GPC6: variants seen among roughly 807,000 people sequenced by gnomAD.
The protein encoded by GPC6 is glypican-6.
A neutral mutation model predicts 55.2 loss-of-function variants in GPC6; 14 were observed. That is an observed-to-expected ratio of 0.25 (90% CI 0.17 to 0.40). The LOEUF (loss-of-function observed/expected upper bound fraction) is 0.40, where lower values mean the gene tolerates loss of function less well. Ranked by LOEUF, GPC6 falls within the 10% of genes least tolerant of loss-of-function variation. GPC6 has a pLI of 1.00. For synonymous variants in GPC6, 278 were observed against 259.6 expected (o/e 1.07, Z -0.68); for missense variants, 641 against 708.5 (o/e 0.90, Z 1.08).
chr13:93,553,253 T>C (rs1047946814), intron 2 of GPC6, among the ~76,000 whole-genome samples: 5 of 152,048 alleles, frequency 3.3e-5, no homozygotes, highest in South Asian at 4.1e-4. Flanking sequence ...CCTTTTTTTT[T>C]CCAAAACAAA....
chr13:93,894,370 T>C (rs1875869261), intron 3 of GPC6, among the ~76,000 whole-genome samples: 1 of 152,228 alleles, frequency 6.6e-6, no homozygotes, highest in African/African-American at 2.4e-5. Context: ...AAGGTGATGG[T>C]TTATACAGGG....
intron 4 of GPC6, among the ~76,000 whole-genome samples, chr13:94,200,730 A>C (rs963283695): frequency 6.6e-6 from 1 of 152,274 alleles, no homozygotes; most frequent in Non-Finnish European, 1.5e-5. Flanking sequence ...AATGTCCTAC[A>C]GCATTCTTTG....
At chr13:94,167,480 A>C (rs191042080) in intron 4 of GPC6, among the ~76,000 whole-genome samples, 3 of 152,356 alleles carry the variant, frequency 2.0e-5, no homozygotes, top group African/African-American at 7.2e-5. Context: ...CTATATTTAA[A>C]TTCATGAGAA....
At chr13:93,447,208 C>G (rs1458788837) in intron 1 of GPC6, among the ~76,000 whole-genome samples, 1 of 152,270 alleles carries the variant, frequency 6.6e-6, no homozygotes, top group African/African-American at 2.4e-5. Context: ...AAAACAGTTA[C>G]AGTATAAAGT....
intron 1 of GPC6, among the ~76,000 whole-genome samples, chr13:93,379,074 A>G (rs1032517558): frequency 6.6e-6 from 1 of 152,090 alleles, no homozygotes; most frequent in African/African-American, 2.4e-5. Context: ...CAGCTCAAGA[A>G]TGACTTTCTA....
intron 2 of GPC6, among the ~76,000 whole-genome samples, chr13:93,825,781 G>T (rs1887211356): frequency 6.6e-6 from 1 of 151,860 alleles, no homozygotes; most frequent in South Asian, 2.1e-4. Context: ...AGACAGGCTG[G>T]TAAGTTTATT....
At chr13:93,745,153 C>A (rs536360020) in intron 2 of GPC6, among the ~76,000 whole-genome samples, 1 of 152,224 alleles carries the variant, frequency 6.6e-6, no homozygotes, top group South Asian at 2.1e-4. Context: ...TCTCAACTCT[C>A]TACAGAAGAG....
intron 3 of GPC6, among the ~76,000 whole-genome samples, chr13:94,005,907 A>T (rs987659780): frequency 6.6e-6 from 1 of 152,208 alleles, no homozygotes; most frequent in South Asian, 2.1e-4. Context: ...TTTTTTCAAT[A>T]ATCTTTAATA....
At chr13:93,955,596 G>A (rs944008270) in intron 3 of GPC6, among the ~76,000 whole-genome samples, 3 of 152,008 alleles carry the variant, frequency 2.0e-5, no homozygotes, top group African/African-American at 7.2e-5. Context: ...TACTTTTTGC[G>A]AGCAGAAGAT....
chr13:94,006,164 A>C (rs1014808304), intron 3 of GPC6, among the ~76,000 whole-genome samples: 2 of 152,206 alleles, frequency 1.3e-5, no homozygotes, highest in East Asian at 1.9e-4. Context: ...TGTCACGCAC[A>C]TACTCCTCAA....
chr13:93,774,185 C>T (rs1464136010), intron 2 of GPC6, among the ~76,000 whole-genome samples: 3 of 152,136 alleles, frequency 2.0e-5, no homozygotes, highest in Non-Finnish European at 2.9e-5. Flanking sequence ...GTCGTTTTTC[C>T]TGTAGGCACT....
chr13:93,633,662 A>G (rs1048029096), intron 2 of GPC6, among the ~76,000 whole-genome samples: 11 of 150,980 alleles, frequency 7.3e-5, no homozygotes, highest in Admixed American at 2.6e-4. Context: ...AAATAAATAA[A>G]TAAATAAATA....
chr13:94,266,161 T>TTTG, intron 4 of GPC6, among the ~76,000 whole-genome samples: 1 of 81,348 alleles, frequency 1.2e-5, no homozygotes, highest in East Asian at 3.3e-4. Flanking sequence ...CTTTTTTTTT[T>TTTG]TTGTTTGTTT....
chr13:94,381,828 C>A (rs970754176), intron 6 of GPC6, among the ~76,000 whole-genome samples: 1 of 152,206 alleles, frequency 6.6e-6, no homozygotes, highest in Non-Finnish European at 1.5e-5. Flanking sequence ...TTTACACTTA[C>A]CCGTATTTAG....
At position 94,405,526 on chromosome 13, in the gene GPC6, A is replaced by G. The variant is rs1276641190; in HGVS notation, c.*2309A>G. 6 of 152,132 alleles carry G rather than the reference A, an allele frequency of 3.9e-5. No homozygotes were observed. The highest frequency in any genetic ancestry group is 5.9e-5 in the Non-Finnish European group (4 of 68,004). The allele number at this position is 152,132 out of a possible 1,614,324, so 9.4% of individuals were successfully genotyped here. ...TCTTTCCTTTTTAAAATATTTCTGC[A>G]TTCTCTTTTATGAACTAGATCAGGA... is the stretch of plus-strand genomic sequence containing the variant. On this transcript the variant is annotated 3_prime_UTR_variant, in exon 9 of 9. Transcript: ENST00000377047.
intron 2 of GPC6, among the ~76,000 whole-genome samples, chr13:93,778,298 A>G (rs1885530927): frequency 1.3e-5 from 2 of 152,322 alleles, no homozygotes; most frequent in South Asian, 4.1e-4. Flanking sequence ...GCACAAAAAA[A>G]GAAGCAGCAA....
chr13:94,097,313 T>G (rs1383355675), intron 4 of GPC6, among the ~76,000 whole-genome samples: 2 of 151,826 alleles, frequency 1.3e-5, no homozygotes, highest in Non-Finnish European at 2.9e-5. Flanking sequence ...CCATCCTGGC[T>G]AACACGGTGA....
intron 2 of GPC6, among the ~76,000 whole-genome samples, chr13:93,595,669 A>G (rs1313029025): frequency 6.6e-6 from 1 of 152,196 alleles, no homozygotes; most frequent in East Asian, 1.9e-4. Flanking sequence ...ACATAAAAAG[A>G]TGATGGGTGC....
At chr13:93,436,232 A>C (rs1200495823) in intron 1 of GPC6, among the ~76,000 whole-genome samples, 1 of 152,166 alleles carries the variant, frequency 6.6e-6, no homozygotes, top group Non-Finnish European at 1.5e-5. Context: ...GGAGGAAAAA[A>C]TGTCATTGTA....
Sources: allele counts gnomAD v4.1 joint callset (sites outside exome capture counted in the v4.1 genomes callset), GRCh38; gene constraint gnomAD v4.1.1; transcripts MANE v1.5; gene names NCBI Gene and HGNC (gene_info 2026-07-23, HGNC 2026-07-21).